The following SH3PXD2A variants were observed in gnomAD, a reference collection of about 807,000 sequenced individuals.
The protein encoded by SH3PXD2A is SH3 and PX domains 2A, also known as SH3 and PX domain-containing protein 2A.
A neutral mutation model predicts 115.2 loss-of-function variants in SH3PXD2A; 32 were observed. The observed-to-expected ratio is 0.28, with a 90% CI of 0.21 to 0.37. The LOEUF is 0.37. Among genes scored for constraint, SH3PXD2A ranks in the 10% least tolerant of loss-of-function variants. SH3PXD2A has a pLI of 1.00. For synonymous variants in SH3PXD2A, 610 were observed against 629.1 expected (o/e 0.97, Z 0.45); for missense variants, 1,328 against 1,498.7 (o/e 0.89, Z 1.88).
chr10:103,701,821 G>C, intron 5 of SH3PXD2A, among the ~76,000 whole-genome samples: 1 of 131,636 alleles, frequency 7.6e-6, no homozygotes, highest in Non-Finnish European at 1.6e-5. Flanking sequence ...TCATCCATCT[G>C]TCCATCATCT....
At chr10:103,613,703 C>G (rs2036465972) in intron 11 of SH3PXD2A, among the ~76,000 whole-genome samples, 2 of 152,194 alleles carry the variant, frequency 1.3e-5, no homozygotes, top group African/African-American at 4.8e-5. Flanking sequence ...AGTCCCTTCC[C>G]TGGAGCTCAG....
At chr10:103,779,712 CCAGGGCGCCGGT>C (rs1469751140) in intron 2 of SH3PXD2A, among the ~76,000 whole-genome samples, 4 of 152,138 alleles carry the variant, frequency 2.6e-5, no homozygotes, top group African/African-American at 9.7e-5. Context: ...TGGCACCAGC[CCAGGGCGCCGGT>C]GGTGACACTC....
chr10:103,784,477 A>G lies in SH3PXD2A; in HGVS notation c.153+16805T>C, dbSNP rs192127829. Among the ~76,000 whole-genome samples, 426 of 152,360 alleles carry G rather than the reference A, an allele frequency of 2.8e-3. 8 individuals are homozygous for G. Among genetic ancestry groups the G allele is most frequent in the Admixed American group, 0.025 (376 of 15,306 alleles). ...ATCTGCACCATTTTATTTATTTAAA[A>G]GAGACATATCTGAAGCAAATGTGGC... On this transcript the variant is annotated intron_variant, in intron 2 of 14. Transcript: ENST00000369774. This position sits in a 1 kb window ranked among gnomAD's most constrained non-coding sequence, Gnocchi z 4.4.
rs954602046 is a variant in SH3PXD2A, at chr10:103,756,541, G to A, written c.229+10553C>T. 6.6e-6 allele frequency among the ~76,000 whole-genome samples: 1 copy of A among 152,130 alleles called. No individual in the cohort carries two copies. Among genetic ancestry groups the A allele is most frequent in the African/African-American group, 2.4e-5 (1 of 41,414 alleles). On this transcript the variant is annotated intron_variant, in intron 3 of 14. Transcript: ENST00000369774. The surrounding 1 kb of genome is among the most constrained non-coding windows in gnomAD (Gnocchi z 4.4). ...GTGCCCAGAGGCTCCTGGGGAGGGA[G>A]GCTGCCCACCACAAAGCACCTTTCA... is the stretch of plus-strand genomic sequence containing the variant.
At chr10:103,731,159 G>GTT (rs201675074) in intron 4 of SH3PXD2A, among the ~76,000 whole-genome samples, 1 of 150,878 alleles carries the variant, frequency 6.6e-6, no homozygotes, top group African/African-American at 2.4e-5. Context: ...AAGGAGTCCC[G>GTT]TTTTTGTTTT....
chr10:103,819,844 G>A (rs916473440), intron 1 of SH3PXD2A, among the ~76,000 whole-genome samples: 1 of 151,974 alleles, frequency 6.6e-6, no homozygotes, highest in Non-Finnish European at 1.5e-5. Context: ...GAGGGGGGGA[G>A]ATGGGAGCCC....
In SH3PXD2A at chr10:103,743,079, G is replaced by C. The variant is rs187083219; in HGVS notation, c.230-7271C>G. The stretch of plus-strand genomic sequence containing the variant: ...GGTCCTGAGACCTGACCAGGTCCCT[G>C]TGCAAAGTGGGCTGGACCAGCCAAG... On this transcript the variant is annotated intron_variant, in intron 3 of 14. Transcript: ENST00000369774. Among the ~76,000 whole-genome samples the C allele has an allele frequency of 2.4e-3, 358 of 152,264 alleles. 2 individuals carry two copies. The highest frequency in any genetic ancestry group is 3.9e-3 in the Non-Finnish European group (267 of 68,012).
rs1481774778 is a variant in SH3PXD2A, at chr10:103,627,726, T to A, written c.605-524A>T. Among the ~76,000 whole-genome samples the A allele has an allele frequency of 2.6e-5, 4 of 152,198 alleles. No individual in the cohort carries two copies. The highest frequency in any genetic ancestry group is 9.6e-5 in the African/African-American group (4 of 41,454). On this transcript the variant is annotated intron_variant, in intron 8 of 14. Coordinates refer to ENST00000369774, the MANE Select transcript of SH3PXD2A (RefSeq NM_001394015.1). The surrounding 1 kb of genome is among the most constrained non-coding windows in gnomAD (Gnocchi z 4.4). ...CAGCTGCCCTTTAAGTGTGTTCACG[T>A]TTCAGTCGCGGTAAGTGGGCACTGC...
At chr10:103,739,478 C>T (rs576186623) in intron 3 of SH3PXD2A, among the ~76,000 whole-genome samples, 3 of 152,122 alleles carry the variant, frequency 2.0e-5, no homozygotes, top group Non-Finnish European at 2.9e-5. Context: ...AGAGGGAGGG[C>T]CTGGAAGGGA....
At chr10:103,810,913 CACACACGGAG>C (rs2039261450) in intron 1 of SH3PXD2A, among the ~76,000 whole-genome samples, 2 of 10,142 alleles carry the variant, frequency 2.0e-4, no homozygotes, top group Non-Finnish European at 4.5e-4. Context: ...CATGGACACA[CACACACGGAG>C]ACACACACAT....
chr10:103,829,732 A>G (rs1207194694), intron 1 of SH3PXD2A, among the ~76,000 whole-genome samples: 12 of 152,262 alleles, frequency 7.9e-5, no homozygotes, highest in Admixed American at 7.8e-4. Flanking sequence ...CCTTGCTGGA[A>G]CAAGGCAAGG....
rs1056877556 is a variant in SH3PXD2A, at chr10:103,808,047, T to C, written c.73-6685A>G. Among the ~76,000 whole-genome samples the C allele has an allele frequency of 5.3e-5, 8 of 152,034 alleles. No homozygotes were observed. The East Asian group carries it at 1.5e-3, about 29-fold the overall frequency. On this transcript the variant is annotated intron_variant, in intron 1 of 14. Coordinates refer to ENST00000369774, the MANE Select transcript of SH3PXD2A (RefSeq NM_001394015.1). Reference sequence around the variant, plus strand: ...CAAGGTTCTATCATGGGGGGGTTGGTAAGAAGGAGGCACATATACTCCAAA... The same window carrying C: ...CAAGGTTCTATCATGGGGGGGTTGGCAAGAAGGAGGCACATATACTCCAAA...
At chr10:103,779,619 T>C (rs1164702021) in intron 2 of SH3PXD2A, among the ~76,000 whole-genome samples, 1 of 152,148 alleles carries the variant, frequency 6.6e-6, no homozygotes, top group Non-Finnish European at 1.5e-5. Context: ...AGTGGAATTC[T>C]AGGAAGACAC....
At chr10:103,853,946 G>T (rs1385018017) in intron 1 of SH3PXD2A, among the ~76,000 whole-genome samples, 4 of 152,182 alleles carry the variant, frequency 2.6e-5, no homozygotes, top group Non-Finnish European at 5.9e-5. Context: ...TGACACAAAA[G>T]AAACAACTCT....
intron 1 of SH3PXD2A, among the ~76,000 whole-genome samples, chr10:103,821,663 C>T (rs1235791842): frequency 6.6e-6 from 1 of 152,038 alleles, no homozygotes; most frequent in Non-Finnish European, 1.5e-5. Flanking sequence ...AGCCATCCTC[C>T]TGCCTCAGCT....
intron 6 of SH3PXD2A, among the ~76,000 whole-genome samples, chr10:103,669,573 C>T (rs1197498922): frequency 6.6e-6 from 1 of 152,190 alleles, no homozygotes; most frequent in Admixed American, 6.5e-5. Flanking sequence ...TCATTTAGTC[C>T]CCATGGCAAC....
chr10:103,668,169 C>A (rs1564858808), intron 7 of SH3PXD2A, among the ~76,000 whole-genome samples: 3 of 152,250 alleles, frequency 2.0e-5, no homozygotes. Flanking sequence ...GTGAGATGAA[C>A]CATCTTTGGC....
intron 1 of SH3PXD2A, among the ~76,000 whole-genome samples, chr10:103,849,287 C>T (rs1477552788): frequency 2.6e-5 from 4 of 152,152 alleles, no homozygotes; most frequent in Admixed American, 6.5e-5. Flanking sequence ...ACGAACCCTC[C>T]GAGCTTCAAT....
intron 10 of SH3PXD2A, among the ~76,000 whole-genome samples, chr10:103,618,822 C>T (rs1289562891): frequency 6.6e-6 from 1 of 152,186 alleles, no homozygotes; most frequent in Non-Finnish European, 1.5e-5. Flanking sequence ...GGCAGCCTGC[C>T]TAAGACTGGT....
Sources: gnomAD v4.1 joint callset for allele counts (sites outside exome capture counted in the v4.1 genomes callset) on GRCh38, gnomAD v4.1.1 for gene constraint, Gnocchi (gnomAD v3.1) non-coding constraint, MANE v1.5 for transcripts, NCBI Gene and HGNC (gene_info 2026-07-23, HGNC 2026-07-21) for gene names.